The following ERG variants were observed in gnomAD, a reference collection of about 807,000 sequenced individuals.
ERG encodes the protein ETS transcription factor ERG, also known as transcriptional regulator ERG.
In ERG, 9 loss-of-function variants were observed where a neutral mutation model predicts 55.3. The ratio of observed to expected loss-of-function variants is 0.16; its 90% CI spans 0.10 to 0.28. The LOEUF (loss-of-function observed/expected upper bound fraction) is 0.28, where lower values mean the gene tolerates loss of function less well. Among genes scored for constraint, ERG ranks in the 10% least tolerant of loss-of-function variants. The pLI is 1.00. For missense variants in ERG, 434 were observed against 631.6 expected (o/e 0.69, Z 3.35); for synonymous variants, 223 against 237.3 (o/e 0.94, Z 0.55).
At chr21:38,572,460 T>C (rs2059965067) in intron 2 of ERG, among the ~76,000 whole-genome samples, 1 of 152,066 alleles carries the variant, frequency 6.6e-6, no homozygotes, top group South Asian at 2.1e-4. Flanking sequence ...CATGAAATTT[T>C]ACTTCAAAAA....
intron 2 of ERG, among the ~76,000 whole-genome samples, chr21:38,439,854 C>T (rs578186715): frequency 6.6e-5 from 10 of 152,304 alleles, no homozygotes; most frequent in South Asian, 4.1e-4. Context: ...TTCCACTATT[C>T]GGTTGGGAAC....
At chr21:38,466,717 C>T (rs1284037627) in intron 1 of ERG, among the ~76,000 whole-genome samples, 1 of 152,140 alleles carries the variant, frequency 6.6e-6, no homozygotes, top group Non-Finnish European at 1.5e-5. Context: ...TTGCATGAAC[C>T]AACTTTACAG....
chr21:38,496,359 G>A (rs980704571), intron 1 of ERG, among the ~76,000 whole-genome samples: 1 of 152,132 alleles, frequency 6.6e-6, no homozygotes, highest in Non-Finnish European at 1.5e-5. Flanking sequence ...AATTCCAGTG[G>A]ACAGCCATCA....
intron 3 of ERG, among the ~76,000 whole-genome samples, chr21:38,409,156 C>A (rs995269934): frequency 6.6e-6 from 1 of 152,076 alleles, no homozygotes. Context: ...CTGAGAGAGG[C>A]AGCTTATGAC....
chr21:38,623,198 T>C (rs1411729832), intron 1 of ERG, among the ~76,000 whole-genome samples: 4 of 147,070 alleles, frequency 2.7e-5, no homozygotes, highest in Admixed American at 6.7e-5. Context: ...ACACACCACA[T>C]GCTCATAAAT....
intron 1 of ERG, among the ~76,000 whole-genome samples, chr21:38,582,567 T>C (rs545684045): frequency 5.9e-5 from 9 of 152,342 alleles, no homozygotes; most frequent in South Asian, 2.1e-4. Flanking sequence ...AGTTGAACCA[T>C]TGTTTGATTA....
chr21:38,530,219 C>A (rs1035964869), intron 2 of ERG, among the ~76,000 whole-genome samples: 15 of 151,814 alleles, frequency 9.9e-5, no homozygotes, highest in Non-Finnish European at 1.6e-4. Context: ...ACCACCATGC[C>A]CAGCTAATTT....
At chr21:38,563,691 T>C (rs983427777) in intron 2 of ERG, among the ~76,000 whole-genome samples, 2 of 152,266 alleles carry the variant, frequency 1.3e-5, no homozygotes, top group Non-Finnish European at 2.9e-5. Flanking sequence ...CTCGTATATG[T>C]GAAGCATGTG....
At chr21:38,491,966 C>CT (rs2059340158) in intron 1 of ERG, among the ~76,000 whole-genome samples, 1 of 76,618 alleles carries the variant, frequency 1.3e-5, no homozygotes, top group Admixed American at 1.6e-4. Flanking sequence ...AGAATTGCTG[C>CT]CTATGGGATT....
chr21:38,501,067 T>C (rs1006099107), upstream of ERG, among the ~76,000 whole-genome samples: 4 of 146,404 alleles, frequency 2.7e-5, no homozygotes, highest in East Asian at 8.0e-4. Context: ...ACATCTTTTT[T>C]TTTTTTTTTT....
At chr21:38,507,534 G>GTGAATGAATGAA (rs111369699) in intron 2 of ERG, among the ~76,000 whole-genome samples, 4,999 of 150,234 alleles carry the variant, frequency 0.033, 98 homozygotes, top group Non-Finnish European at 0.039. Context: ...TACTGAATGA[G>GTGAATGAATGAA]TGAATGAATG....
At position 38,553,995 on chromosome 21, in the gene ERG, C is replaced by A. The variant is rs552026477; in HGVS notation, c.-41+21667G>T. Among the ~76,000 whole-genome samples the A allele has an allele frequency of 6.6e-4, 84 of 126,660 alleles. 1 individual carries two copies. The highest frequency in any genetic ancestry group is 8.7e-3 in the Middle Eastern group (2 of 230). The allele number at this position is 126,660 out of a possible 152,430, so 83.1% of individuals were successfully genotyped here. A position where few individuals can be genotyped will look rare whatever the true frequency, so the allele number is the denominator to read the frequency against. On this transcript the variant is annotated intron_variant, in intron 2 of 8. Coordinates refer to the ERG transcript ENST00000398897. ...CTTAAGCAAATTAACAAGCAAAAAA[C>A]AACTTCTTTAAAAAAAATGGGCCAA...
chr21:38,584,759 A>T (rs1177653059), intron 1 of ERG: 1 of 152,194 alleles, frequency 6.6e-6, no homozygotes, highest in African/African-American at 2.4e-5. Context: ...CAAATAGGAA[A>T]GATACAAAAT....
At chr21:38,414,662 C>A (rs1444731378) in intron 3 of ERG, among the ~76,000 whole-genome samples, 1 of 152,146 alleles carries the variant, frequency 6.6e-6, no homozygotes, top group Middle Eastern at 3.2e-3. Flanking sequence ...CTTCCCAGAT[C>A]CCACAGTTAG....
In ERG at chr21:38,380,543, G is replaced by T; in HGVS notation, c.*2860C>A. On this transcript the variant is annotated 3_prime_UTR_variant, in exon 10 of 10. Transcript: ENST00000288319. ...TACAGGAGTCTGAGTATACATCAGG[G>T]CAAGCCAAGAGACAGGGACAAACAG... 1.9e-6 allele frequency: 2 copies of T among 1,065,748 alleles called. No individual in the cohort carries two copies. The highest frequency in any genetic ancestry group is 2.3e-6 in the Non-Finnish European group (2 of 879,546). The allele number at this position is 1,065,748 out of a possible 1,614,324, so 66.0% of individuals were successfully genotyped here.
chr21:38,469,553 T>C (rs2059122211), intron 1 of ERG, among the ~76,000 whole-genome samples: 2 of 151,902 alleles, frequency 1.3e-5, no homozygotes, highest in Admixed American at 1.3e-4. Flanking sequence ...TTGTATTAAC[T>C]GCTTTGGGCT....
At chr21:38,369,272 G>A in the ERG span, among the ~76,000 whole-genome samples, 1 of 152,122 alleles carries the variant, frequency 6.6e-6, no homozygotes, top group Non-Finnish European at 1.5e-5. Flanking sequence ...AACCTTGCCA[G>A]CATCTGTTAT....
intron 1 of ERG, among the ~76,000 whole-genome samples, chr21:38,636,678 T>A (rs1049860877): frequency 6.6e-6 from 1 of 151,878 alleles, no homozygotes; most frequent in Non-Finnish European, 1.5e-5. Flanking sequence ...CCATCCAACC[T>A]CTCCTCTCCC....
chr21:38,430,050 T>A (rs902556263), intron 2 of ERG, among the ~76,000 whole-genome samples: 3 of 152,074 alleles, frequency 2.0e-5, no homozygotes, highest in Non-Finnish European at 4.4e-5. Context: ...TGTAAAAGTG[T>A]TCCCTTTTCA....
Sources: allele counts gnomAD v4.1 joint callset (sites outside exome capture counted in the v4.1 genomes callset), GRCh38; gene constraint gnomAD v4.1.1; transcripts MANE v1.5; gene names NCBI Gene and HGNC (gene_info 2026-07-23, HGNC 2026-07-21).